The following VIT variants were observed in gnomAD, a reference collection of about 807,000 sequenced individuals.
VIT encodes the protein vitrin.
A neutral mutation model predicts 78.0 loss-of-function variants in VIT; 99 were observed. The observed-to-expected ratio is 1.27, with a 90% CI of 1.08 to 1.50. The LOEUF (loss-of-function observed/expected upper bound fraction) is 1.50, where lower values mean the gene tolerates loss of function less well. Among genes scored for constraint, VIT ranks in the 40% most tolerant of loss-of-function variants. VIT has a pLI of 0.00. For synonymous variants in VIT, 374 were observed against 334.3 expected (o/e 1.12, Z -1.29); for missense variants, 1,126 against 875.3 (o/e 1.29, Z -3.61).
intron 9 of VIT, among the ~76,000 whole-genome samples, chr2:36,779,589 C>G (rs1342874249): frequency 6.6e-6 from 1 of 152,144 alleles, no homozygotes; most frequent in African/African-American, 2.4e-5. Context: ...AACCCAGCAT[C>G]CATTAGCTAT....
intron 12 of VIT, among the ~76,000 whole-genome samples, chr2:36,790,606 G>T (rs1665422476): frequency 1.3e-5 from 2 of 152,214 alleles, no homozygotes; most frequent in Non-Finnish European, 2.9e-5. Context: ...AGTCAGAGAG[G>T]TTGACTGACT....
chr2:36,726,644 C>G (rs1037695360), intron 2 of VIT, among the ~76,000 whole-genome samples: 1 of 151,980 alleles, frequency 6.6e-6, no homozygotes, highest in African/African-American at 2.4e-5. Context: ...ATGGAGAAAA[C>G]CCCATCTCTA....
intron 3 of VIT, among the ~76,000 whole-genome samples, chr2:36,730,327 T>A (rs1216029502): frequency 2.0e-5 from 3 of 151,696 alleles, no homozygotes; most frequent in Middle Eastern, 6.9e-3. Flanking sequence ...AAATCTGGAA[T>A]AATAGATGTT....
At chr2:36,752,106 T>G (rs1348647144) in intron 4 of VIT, among the ~76,000 whole-genome samples, 1 of 152,200 alleles carries the variant, frequency 6.6e-6, no homozygotes, top group African/African-American at 2.4e-5. Context: ...ATATTCTATA[T>G]CATGATCAGA....
At chr2:36,754,777 G>C in intron 4 of VIT, 144 bp from the exon 5 acceptor site, 1 of 809,054 alleles carries the variant, frequency 1.2e-6, no homozygotes, top group Non-Finnish European at 1.9e-6. Context: ...ATTCTTGTGG[G>C]TTGGGCTTCA....
At chr2:36,776,636 A>G (rs1245093972) in intron 9 of VIT, among the ~76,000 whole-genome samples, 3 of 151,964 alleles carry the variant, frequency 2.0e-5, no homozygotes, top group African/African-American at 2.4e-5. Flanking sequence ...CCCCGTCTCT[A>G]TTAAAAATAC....
At chr2:36,761,011 C>T (rs879780895) in intron 6 of VIT, among the ~76,000 whole-genome samples, 1 of 152,078 alleles carries the variant, frequency 6.6e-6, no homozygotes, top group Non-Finnish European at 1.5e-5. Context: ...CACATAAAGC[C>T]CCCAACTTCA....
At chr2:36,758,904 T>G in intron 5 of VIT, 65 bp from the exon 6 acceptor site, 1 of 1,404,370 alleles carries the variant, frequency 7.1e-7, no homozygotes, top group Admixed American at 1.7e-5. Context: ...ATCAACTTAG[T>G]ACAGAACCAT....
At chr2:36,740,205 A>T (rs984699700) in intron 3 of VIT, among the ~76,000 whole-genome samples, 1 of 152,192 alleles carries the variant, frequency 6.6e-6, no homozygotes, top group Non-Finnish European at 1.5e-5. Context: ...AGAAAGGAAA[A>T]CCTAAGCTGC....
chr2:36,765,850 G>T (rs752396690), intron 6 of VIT, among the ~76,000 whole-genome samples: 1 of 152,256 alleles, frequency 6.6e-6, no homozygotes, highest in Non-Finnish European at 1.5e-5. Flanking sequence ...CCAGAACTGT[G>T]AGAGAATAAA....
At position 36,787,147 on chromosome 2, in the gene VIT, C is replaced by T. The variant is rs367662837; in HGVS notation, c.929C>T (p.Ser310Leu). The T allele has an allele frequency of 4.6e-5, 74 of 1,614,020 alleles. No homozygotes were observed. Among genetic ancestry groups the T allele is most frequent in the Non-Finnish European group, 5.5e-5 (65 of 1,180,044 alleles). Residue 310 changes from serine to leucine, a missense_variant, in exon 12 of 16, where the codon TCG becomes TTG. Physicochemically the swap from Ser to Leu is moderately radical, Grantham distance 145 (BLOSUM62 -2). Coordinates refer to ENST00000379242, the MANE Select transcript of VIT (RefSeq NM_053276.4). ...TCCGCAGACTGCAAAATTGACTTGT[C>T]GTTTTTAATTGATGGGAGCACCAGC... ...LGDPNCKIDLSFLIDGSTSIG... is the reference protein window; with the variant it reads ...LGDPNCKIDLLFLIDGSTSIG...
chr2:36,731,185 A>T (rs1174609346), intron 3 of VIT, among the ~76,000 whole-genome samples: 1 of 152,114 alleles, frequency 6.6e-6, no homozygotes, highest in Non-Finnish European at 1.5e-5. Context: ...GCTCCCTTTA[A>T]AGCTACATCC....
intron 4 of VIT, among the ~76,000 whole-genome samples, chr2:36,748,467 G>A (rs57957607): frequency 0.05 from 7,642 of 152,082 alleles, 494 homozygotes; most frequent in African/African-American, 0.15. Context: ...GTCTGACTGC[G>A]TTGATTCAAA....
intron 4 of VIT, among the ~76,000 whole-genome samples, chr2:36,747,452 A>C (rs565115214): frequency 5.9e-5 from 9 of 152,338 alleles, no homozygotes; most frequent in Admixed American, 2.0e-4. Context: ...GACTAGAAGT[A>C]CTTGTTTTAT....
At chr2:36,762,551 T>A (rs1237777080) in intron 6 of VIT, among the ~76,000 whole-genome samples, 1 of 152,210 alleles carries the variant, frequency 6.6e-6, no homozygotes, top group Non-Finnish European at 1.5e-5. Flanking sequence ...AAGTCCTTAG[T>A]CTTACTTAGG....
At chr2:36,788,121 G>A (rs1057007028) in intron 12 of VIT, 5 of 255,592 alleles carry the variant, frequency 2.0e-5, no homozygotes, top group Admixed American at 1.1e-4. Context: ...AATCATTGAG[G>A]GCAGGATGGG....
intron 3 of VIT, among the ~76,000 whole-genome samples, chr2:36,734,246 G>C (rs1411834401): frequency 1.3e-5 from 2 of 152,148 alleles, no homozygotes; most frequent in African/African-American, 4.8e-5. Context: ...AATCATTTCA[G>C]GTAGGTTCCC....
chr2:36,801,763 G>T (rs1441954408), intron 13 of VIT, among the ~76,000 whole-genome samples: 4 of 147,276 alleles, frequency 2.7e-5, no homozygotes, highest in Non-Finnish European at 5.9e-5. Flanking sequence ...GTGGCAGAGC[G>T]AGACTCCATC....
At chr2:36,780,506 T>G (rs1188536213) in intron 9 of VIT, among the ~76,000 whole-genome samples, 1 of 152,224 alleles carries the variant, frequency 6.6e-6, no homozygotes, top group Non-Finnish European at 1.5e-5. Flanking sequence ...ATGCGGAGAC[T>G]ATCTTGCCCA....
Sources: gnomAD v4.1 joint callset for allele counts (sites outside exome capture counted in the v4.1 genomes callset) on GRCh38, gnomAD v4.1.1 for gene constraint, MANE v1.5 for transcripts, NCBI Gene and HGNC (gene_info 2026-07-23, HGNC 2026-07-21) for gene names.